ZNF547: variants seen among roughly 807,000 people sequenced by gnomAD.
The protein encoded by ZNF547 is zinc finger protein 547.
ZNF547 carries 4 observed loss-of-function variants against 7.7 expected under a neutral mutation model. The observed-to-expected ratio is 0.52, with a 90% confidence interval of 0.26 to 1.20. The LOEUF is 1.20. Among genes scored for constraint, ZNF547 ranks in the 50% most tolerant of loss-of-function variants. The probability of loss-of-function intolerance (pLI) is 0.14; values close to 1 mark genes in which losing one functional copy is unlikely to be tolerated. For synonymous variants in ZNF547, 166 were observed against 166.2 expected, an observed-to-expected ratio of 1.00 and a Z score of 0.01; for missense variants, 449 against 485.8, an observed-to-expected ratio of 0.92 and a Z score of 0.71.
chr19:57,364,756 G>T, intron 1 of ZNF547: 1 of 1,236,280 alleles, frequency 8.1e-7, no homozygotes, highest in Non-Finnish European at 1.1e-6. Context: ...AAGGTGCGGA[G>T]CGCGGGTCTC....
chr19:57,366,152 T>C (rs1370351537), intron 1 of ZNF547, among the ~76,000 whole-genome samples: 2 of 151,448 alleles, frequency 1.3e-5, no homozygotes, highest in Non-Finnish European at 1.5e-5. Flanking sequence ...TGTGAGCCAC[T>C]GCGCCTGGCC....
chr19:57,371,943 G>A (rs368623532), intron 3 of ZNF547, 35 bp downstream of exon 3: 9 of 1,538,338 alleles, frequency 5.9e-6, no homozygotes, highest in East Asian at 2.3e-5. Context: ...GTCCTGGGTT[G>A]GGCTGTGTTG....
chr19:57,377,384 G>T lies in ZNF547; in HGVS notation c.408G>T (p.Gly136=), dbSNP rs1321546474. The T allele has an allele frequency of 6.2e-7, 1 of 1,614,114 alleles. No homozygotes were observed. The highest frequency in any genetic ancestry group is 2.2e-5 in the East Asian group (1 of 44,900). Reference sequence around the variant, plus strand: ...AGATTAGAGAGAAACTTTCTAGAGGGGATGGAGGAAGACCGACATTTGTGA... The same window carrying T: ...AGATTAGAGAGAAACTTTCTAGAGGTGATGGAGGAAGACCGACATTTGTGA... ...KEQIREKLSR[G]DGGRPTFVKN... The change falls in exon 4 of 4, where the codon GGG becomes GGT. Residue 136 remains glycine (G), a synonymous_variant. Transcript: ENST00000282282.
At chr19:57,366,077 C>G (rs1315625693) in intron 1 of ZNF547, among the ~76,000 whole-genome samples, 2 of 151,822 alleles carry the variant, frequency 1.3e-5, no homozygotes, top group African/African-American at 4.8e-5. Flanking sequence ...ATTGGTCAGG[C>G]TGGTCTTGAA....
rs1157075476 is a variant in ZNF547 at position 57,377,825 on chromosome 19, C to T, written c.849C>T (p.Leu283=). Residue 283 remains leucine (L), a synonymous_variant, in exon 4 of 4, where the codon CTC becomes CTT. Transcript: ENST00000282282. Reference sequence around the variant, plus strand: ...AGTTCTTTAAGTGCAACTCAAACCTCTTTAGGCATTACAGAATTCATACAG... The same window carrying T: ...AGTTCTTTAAGTGCAACTCAAACCTTTTTAGGCATTACAGAATTCATACAG... The part of the protein sequence containing the change: ...CGKFFKCNSN[L]FRHYRIHTGK... The T allele has an allele frequency of 1.2e-6, 2 of 1,613,946 alleles. No homozygotes were observed. Among genetic ancestry groups the T allele is most frequent in the South Asian group, 2.2e-5 (2 of 91,068 alleles).
chr19:57,364,332 C>T (rs921552638), intron 1 of ZNF547: 3 of 156,692 alleles, frequency 1.9e-5, no homozygotes, highest in African/African-American at 7.3e-5. Flanking sequence ...TGGAGAAGAT[C>T]ATGGGTTGGA....
intron 3 of ZNF547, among the ~76,000 whole-genome samples, chr19:57,372,435 A>G (rs575730355): frequency 7.2e-5 from 11 of 152,248 alleles, no homozygotes; most frequent in Middle Eastern, 3.4e-3. Context: ...GGTCTCTTTC[A>G]GGTCTCACAG....
rs1390593606 is a variant in ZNF547, at chr19:57,377,515, G to A, written c.539G>A (p.Gly180Glu). 1 of 1,614,170 alleles carries A rather than the reference G, an allele frequency of 6.2e-7. No homozygotes were observed. Among genetic ancestry groups the A allele is most frequent in the Non-Finnish European group, 8.5e-7 (1 of 1,180,034 alleles). The change falls in exon 4 of 4, where the codon GGA becomes GAA. Residue 180 changes from glycine (G) to glutamate (E), a missense_variant. Transcript: ENST00000282282. ...TCTGACCATCAGAAAATCCACACTG[G>A]AGAAAGAACTTATAAGTGCAGCAAA... is the stretch of plus-strand genomic sequence containing the variant. ...KLSDHQKIHT[G>E]ERTYKCSKCG...
rs1337364377 is a variant in ZNF547 at position 57,378,194 on chromosome 19, T to C, written c.*9T>C. ...AAGTCCACACTGGATAAGGCCCTTATGAATGCAGTGGATATGGGAAAGCCT... is the reference window on the plus strand; with the variant it reads ...AAGTCCACACTGGATAAGGCCCTTACGAATGCAGTGGATATGGGAAAGCCT... On this transcript the variant is annotated 3_prime_UTR_variant, in exon 4 of 4. Coordinates refer to ENST00000282282, the MANE Select transcript of ZNF547 (RefSeq NM_173631.4). The C allele has an allele frequency of 6.3e-7, 1 of 1,597,102 alleles. No individual in the cohort carries two copies. The highest frequency in any genetic ancestry group is 1.1e-5 in the South Asian group (1 of 89,046).
Position 57,378,431 on chromosome 19 carries a change from GTC to G in ZNF547, c.*248_*249del, listed in dbSNP as rs1172652188. 8 of 677,394 alleles carry G rather than the reference GTC, an allele frequency of 1.2e-5. No individual in the cohort carries two copies. The highest frequency in any genetic ancestry group is 3.5e-5 in the African/African-American group (2 of 57,486). The allele number at this position is 677,394 out of a possible 1,614,324, so 42.0% of individuals were successfully genotyped here. A position where few individuals can be genotyped will look rare whatever the true frequency, so the allele number is the denominator to read the frequency against. ...ATTGGAGAGTTTACACTGAAGAAGAGTCTTTTCAATAAAGTAGAAAGTGGTAA... is the reference window on the plus strand; with the variant it reads ...ATTGGAGAGTTTACACTGAAGAAGAGTTTTCAATAAAGTAGAAAGTGGTAA... On this transcript the variant is annotated 3_prime_UTR_variant, in exon 4 of 4. Transcript: ENST00000282282.
rs566414532 is a variant in ZNF547, at chr19:57,370,125, T to C, written c.24+1546T>C. The stretch of plus-strand genomic sequence containing the variant: ...CCAGGATGGTCTTGATCTCCTGACC[T>C]CGTGATCCATCCTCCTCAGCCTCCC... On this transcript the variant is annotated intron_variant, in intron 2 of 3. Coordinates refer to ENST00000282282, the MANE Select transcript of ZNF547 (RefSeq NM_173631.4). Among the ~76,000 whole-genome samples the C allele has an allele frequency of 1.4e-4, 21 of 152,150 alleles. No homozygotes were observed. In the East Asian group the frequency reaches 3.7e-3, roughly 27 times the overall value.
chr19:57,376,187 G>A (rs1260236561), intron 3 of ZNF547, among the ~76,000 whole-genome samples: 1 of 152,084 alleles, frequency 6.6e-6, no homozygotes, highest in Non-Finnish European at 1.5e-5. Context: ...AAACCCATGA[G>A]ATCTCAGGAG....
At chr19:57,364,221 C>T (rs956510067) in intron 1 of ZNF547, 3 of 155,888 alleles carry the variant, frequency 1.9e-5, no homozygotes, top group African/African-American at 7.3e-5. Context: ...TCAGATATGT[C>T]TGTGAGCAAA....
At chr19:57,372,361 A>G (rs1298081598) in intron 3 of ZNF547, among the ~76,000 whole-genome samples, 2 of 152,222 alleles carry the variant, frequency 1.3e-5, no homozygotes, top group Non-Finnish European at 2.9e-5. Flanking sequence ...AATGTGAGAT[A>G]TCATCAGGTG....
At chr19:57,363,939 T>G (rs969211473) in intron 1 of ZNF547, 1 of 152,444 alleles carries the variant, frequency 6.6e-6, no homozygotes, top group Admixed American at 6.5e-5. Context: ...GAGTGTGGGT[T>G]GTTTCTGCGG....
At chr19:57,372,524 G>A (rs2088512875) in intron 3 of ZNF547, among the ~76,000 whole-genome samples, 1 of 152,188 alleles carries the variant, frequency 6.6e-6, no homozygotes, top group African/African-American at 2.4e-5. Context: ...TAGAGACTCA[G>A]AGGGACATGA....
intron 3 of ZNF547, 60 bp from the exon 4 acceptor site, chr19:57,377,068 T>C (rs1261664793): frequency 3.3e-6 from 5 of 1,493,596 alleles, no homozygotes; most frequent in Non-Finnish European, 4.5e-6. Context: ...ACATTTGTGA[T>C]GGGGTTGCCT....
chr19:57,369,896 G>GTTTTTTTTTTTTT (rs1300181023), intron 2 of ZNF547, among the ~76,000 whole-genome samples: 4 of 33,848 alleles, frequency 1.2e-4, no homozygotes, highest in African/African-American at 2.9e-4. Flanking sequence ...TTGACTCACA[G>GTTTTTTTTTTTTT]TTCTTTTTTT....
intron 3 of ZNF547, among the ~76,000 whole-genome samples, chr19:57,376,117 C>G (rs925145017): frequency 6.6e-6 from 1 of 152,124 alleles, no homozygotes; most frequent in Non-Finnish European, 1.5e-5. Flanking sequence ...TAGCAGAGAT[C>G]GTGCCACTGC....
Sources: allele counts gnomAD v4.1 joint callset (sites outside exome capture counted in the v4.1 genomes callset), GRCh38; gene constraint gnomAD v4.1.1; transcripts MANE v1.5; gene names NCBI Gene and HGNC (gene_info 2026-07-23, HGNC 2026-07-21).